ATP5MF: variants seen among roughly 807,000 people sequenced by gnomAD.
ATP5MF encodes the protein ATP synthase F(0) complex subunit f, mitochondrial.
A neutral mutation model predicts 13.8 loss-of-function variants in ATP5MF; 10 were observed. The ratio of observed to expected loss-of-function variants is 0.72; its 90% CI spans 0.45 to 1.23. The LOEUF is 1.23. Among genes scored for constraint, ATP5MF ranks in the 50% most tolerant of loss-of-function variants. The pLI is 0.00. For synonymous variants in ATP5MF, 40 were observed against 45.8 expected, an observed-to-expected ratio of 0.87 and a Z score of 0.51; for missense variants, 122 against 118.2, an observed-to-expected ratio of 1.03 and a Z score of -0.15.
chr7:99,459,017 G>T, intron 3 of ATP5MF, 130 bp downstream of exon 3: 1 of 654,626 alleles, frequency 1.5e-6, no homozygotes, highest in Non-Finnish European at 2.7e-6. Flanking sequence ...AATTCTTTTA[G>T]GTGGAAACAT....
chr7:99,459,331 G>T, intron 2 of ATP5MF, 68 bp from the exon 3 acceptor site: 1 of 1,180,504 alleles, frequency 8.5e-7, no homozygotes, highest in South Asian at 1.2e-5. Flanking sequence ...GCACACAGTT[G>T]AGTCTGGCTG....
At chr7:99,458,573 A>C (rs554478248) in intron 3 of ATP5MF, among the ~76,000 whole-genome samples, 1 of 152,272 alleles carries the variant, frequency 6.6e-6, no homozygotes, top group East Asian at 1.9e-4. Flanking sequence ...CTTTCTTTCC[A>C]GAAGGAACAG....
At chr7:99,461,520 C>T (rs1798600261) in intron 1 of ATP5MF, among the ~76,000 whole-genome samples, 1 of 152,140 alleles carries the variant, frequency 6.6e-6, no homozygotes, top group Non-Finnish European at 1.5e-5. Flanking sequence ...AAAGGAAAGA[C>T]TAAGGCTCTG....
Position 99,460,069 on chromosome 7 carries a change from A to T in ATP5MF, c.139+17T>A. 1 of 1,588,222 alleles carries T rather than the reference A, an allele frequency of 6.3e-7. No individual in the cohort carries two copies. The highest frequency in any genetic ancestry group is 8.5e-7 in the Non-Finnish European group (1 of 1,171,630). On this transcript the variant is annotated intron_variant, in intron 2 of 3. Transcript: ENST00000292475. ...CAGAGATTTGCTTTCATTTACAGACATCCACAAGGCTCTGACCTCTTTGAA... is the reference window on the plus strand; with the variant it reads ...CAGAGATTTGCTTTCATTTACAGACTTCCACAAGGCTCTGACCTCTTTGAA...
chr7:99,460,053 G>A, intron 2 of ATP5MF, 33 bp downstream of exon 2: 1 of 1,572,968 alleles, frequency 6.4e-7, no homozygotes, highest in Non-Finnish European at 8.6e-7. Context: ...CCAGAGATTT[G>A]CTTTCATTTA....
intron 1 of ATP5MF, among the ~76,000 whole-genome samples, chr7:99,464,931 C>T (rs886128954): frequency 2.0e-5 from 3 of 151,730 alleles, no homozygotes; most frequent in African/African-American, 7.3e-5. Context: ...AGCTACTGCA[C>T]TCTAGCCTGG....
At chr7:99,460,568 C>A in intron 1 of ATP5MF, 1 of 513,188 alleles carries the variant, frequency 1.9e-6, no homozygotes, top group East Asian at 5.4e-5. Flanking sequence ...CACTTCATGT[C>A]TTTACCTTAA....
chr7:99,465,051 G>C (rs185505702), intron 1 of ATP5MF, among the ~76,000 whole-genome samples: 303 of 152,116 alleles, frequency 2.0e-3, no homozygotes, highest in African/African-American at 7.1e-3. Context: ...CCTGAGGTCA[G>C]GGGTTCAAGA....
At chr7:99,465,912 C>G (rs991921026) in intron 1 of ATP5MF, among the ~76,000 whole-genome samples, 199 bp downstream of exon 1, 2 of 152,244 alleles carry the variant, frequency 1.3e-5, no homozygotes, top group African/African-American at 4.8e-5. Context: ...CCCTCCACGC[C>G]TAACCCGGTT....
rs575910851 is a variant in ATP5MF at position 99,458,603 on chromosome 7, A to G, written c.257-248T>C. The stretch of plus-strand genomic sequence containing the variant: ...GAACAGAGGGAACACACGCTCAGAC[A>G]AACAGCCCCAGAGAACCCGTCCTTC... On this transcript the variant is annotated intron_variant, in intron 3 of 3. Coordinates refer to ENST00000292475, the MANE Select transcript of ATP5MF (RefSeq NM_004889.5). 2.6e-5 allele frequency among the ~76,000 whole-genome samples: 4 copies of G among 152,256 alleles called. No homozygotes were observed. In the East Asian group the frequency reaches 7.7e-4, roughly 29 times the overall value.
intron 1 of ATP5MF, among the ~76,000 whole-genome samples, chr7:99,463,253 G>C (rs1364219487): frequency 6.6e-6 from 1 of 152,232 alleles, no homozygotes; most frequent in Non-Finnish European, 1.5e-5. Context: ...TCTCTCCTGA[G>C]TGCTAAATCC....
rs1168768636 is a variant in ATP5MF at position 99,458,292 on chromosome 7, G to A, written c.*35C>T. 7 of 1,605,536 alleles carry A rather than the reference G, an allele frequency of 4.4e-6. No individual in the cohort carries two copies. The highest frequency in any genetic ancestry group is 5.9e-6 in the Non-Finnish European group (7 of 1,176,688). On this transcript the variant is annotated 3_prime_UTR_variant, in exon 4 of 4. Coordinates refer to ENST00000292475, the MANE Select transcript of ATP5MF (RefSeq NM_004889.5). The stretch of plus-strand genomic sequence containing the variant: ...TTCCTCACGGAGGGGCTCGGGCCAA[G>A]GTCGTGGGGTGGGGGGGTGCAGAGT...
chr7:99,461,423 G>A (rs1212427142), intron 1 of ATP5MF, among the ~76,000 whole-genome samples: 2 of 152,066 alleles, frequency 1.3e-5, no homozygotes, highest in Non-Finnish European at 2.9e-5. Context: ...TGAGGGCAAA[G>A]AGTCTAGGAC....
chr7:99,458,879 T>C lies in ATP5MF; in HGVS notation c.256+268A>G, dbSNP rs1226153611. ...ATCGAGCCAAATTTTCACAGTGTGC[T>C]GTATTTTAAAGAATGCTTCTAAGTA... is the stretch of plus-strand genomic sequence containing the variant. On this transcript the variant is annotated intron_variant, in intron 3 of 3. Transcript: ENST00000292475. The C allele has an allele frequency of 5.8e-5, 25 of 427,378 alleles. 1 individual carries two copies. In the South Asian group the frequency reaches 7.0e-4, roughly 12 times the overall value. The allele number at this position is 427,378 out of a possible 1,614,324, so 26.5% of individuals were successfully genotyped here.
intron 1 of ATP5MF, 88 bp from the exon 2 acceptor site, chr7:99,460,281 C>T: frequency 7.0e-7 from 1 of 1,437,076 alleles, no homozygotes; most frequent in Non-Finnish European, 9.7e-7. Flanking sequence ...TTCAACTATG[C>T]AATAAAGGTG....
At position 99,466,104 on chromosome 7, in the gene ATP5MF, G is replaced by C. The variant is rs763875951; in HGVS notation, c.31+7C>G. The C allele has an allele frequency of 3.7e-6, 6 of 1,614,150 alleles. No homozygotes were observed. The highest frequency in any genetic ancestry group is 1.7e-4 in the Middle Eastern group (1 of 6,060). On this transcript the variant is annotated splice_region_variant and intron_variant, in intron 1 of 3. Coordinates refer to ENST00000292475, the MANE Select transcript of ATP5MF (RefSeq NM_004889.5). ...CTGCTTCCACCACGGAGTCCAAACA[G>C]CCTTACCTGGGGCCGGACACTCACC...
chr7:99,462,654 A>C (rs549028007), intron 1 of ATP5MF, among the ~76,000 whole-genome samples: 17 of 152,280 alleles, frequency 1.1e-4, no homozygotes, highest in African/African-American at 3.4e-4. Context: ...GTGTGCCTGT[A>C]GTCCCCGCTA....
intron 1 of ATP5MF, among the ~76,000 whole-genome samples, chr7:99,462,765 T>C (rs1584533618): frequency 6.6e-6 from 1 of 152,194 alleles, no homozygotes; most frequent in Non-Finnish European, 1.5e-5. Context: ...TCATCCAAGA[T>C]GCATCTATAC....
rs565350647 is a variant in ATP5MF at position 99,464,836 on chromosome 7, T to C, written c.31+1275A>G. 7.3e-5 allele frequency among the ~76,000 whole-genome samples: 11 copies of C among 151,264 alleles called. No homozygotes were observed. In the South Asian group the frequency reaches 1.5e-3, roughly 20 times the overall value. ...AAAATTAGCCGGGCGTAGGTACTGG[T>C]GTGTGCCTGTAATCCCAGATACTTG... is the stretch of plus-strand genomic sequence containing the variant. On this transcript the variant is annotated intron_variant, in intron 1 of 3. Transcript: ENST00000292475.
Sources: allele counts gnomAD v4.1 joint callset (sites outside exome capture counted in the v4.1 genomes callset), GRCh38; gene constraint gnomAD v4.1.1; transcripts MANE v1.5; gene names NCBI Gene and HGNC (gene_info 2026-07-23, HGNC 2026-07-21).